Variants in GABRA4 observed in about 807,000 individuals in gnomAD.
GABRA4 encodes the protein gamma-aminobutyric acid receptor subunit alpha-4.
In GABRA4, 12 loss-of-function variants were observed where a neutral mutation model predicts 49.7. The observed-to-expected ratio is 0.24, with a 90% CI of 0.15 to 0.39. The LOEUF (loss-of-function observed/expected upper bound fraction) is 0.39. GABRA4 is among the 10% of genes least tolerant of loss of function. The probability of loss-of-function intolerance (pLI) is 1.00; values close to 1 mark genes in which losing one functional copy is unlikely to be tolerated. For missense variants in GABRA4, 506 were observed against 686.0 expected (o/e 0.74, Z 2.93); for synonymous variants, 288 against 240.2 (o/e 1.20, Z -1.84).
At chr4:46,974,501 T>C (rs1270230935) in intron 5 of GABRA4, 126 bp from the exon 6 acceptor site, 5 of 914,744 alleles carry the variant, frequency 5.5e-6, no homozygotes, top group Non-Finnish European at 7.7e-6. Flanking sequence ...CACTATAATT[T>C]AGTCACTATA....
Position 46,919,914 on chromosome 4 carries a change from G to T in GABRA4, c.*8311C>A, listed in dbSNP as rs1218490206. 6.6e-6 allele frequency: 1 copy of T among 151,540 alleles called. No homozygotes were observed. The highest frequency in any genetic ancestry group is 1.9e-4 in the East Asian group (1 of 5,172). 9.4% of individuals were successfully genotyped at this position (151,540 alleles called of 1,614,324 possible). ...ACCGGATTCTCATTCAATTTACAAT[G>T]AAGCTCCCTCAAAATCATATAACCT... On this transcript the variant is annotated 3_prime_UTR_variant, in exon 9 of 9. Transcript: ENST00000264318.
chr4:46,964,877 T>C (rs1722697453), intron 8 of GABRA4, 93 bp downstream of exon 8: 4 of 1,313,682 alleles, frequency 3.0e-6, no homozygotes, highest in Non-Finnish European at 4.2e-6. Flanking sequence ...CAAGTTGATA[T>C]CAGGATTTTT....
intron 2 of GABRA4, 78 bp downstream of exon 2, chr4:46,992,750 T>C: frequency 9.8e-7 from 1 of 1,020,676 alleles, no homozygotes; most frequent in South Asian, 1.3e-5. Flanking sequence ...TACCTAATGA[T>C]ATTCCCACAG....
At position 46,936,635 on chromosome 4, in the gene GABRA4, G is replaced by A. The variant is rs561540470; in HGVS notation, c.1135-7880C>T. Among the ~76,000 whole-genome samples, 3 of 152,266 alleles carry A rather than the reference G, an allele frequency of 2.0e-5. No individual in the cohort carries two copies. In the South Asian group the frequency reaches 6.2e-4, roughly 32 times the overall value. ...AGGGAAACAGCACAGATTGGAGAAA[G>A]CATTGCAATCCCAACCTACAAGAAT... On this transcript the variant is annotated intron_variant, in intron 8 of 8. Coordinates refer to ENST00000264318, the MANE Select transcript of GABRA4 (RefSeq NM_000809.4).
In GABRA4 at chr4:46,921,464, C is replaced by G. The variant is rs1435078409; in HGVS notation, c.*6761G>C. ...ACTAAAGAAGCTTGCAGAAATACTA[C>G]CAAGGAAAATGTAAAAAGAATTTAT... On this transcript the variant is annotated 3_prime_UTR_variant, in exon 9 of 9. Transcript: ENST00000264318. The G allele has an allele frequency of 1.3e-5, 2 of 151,934 alleles. No homozygotes were observed. Among genetic ancestry groups the G allele is most frequent in the Admixed American group, 1.3e-4 (2 of 15,232 alleles). 9.4% of individuals were successfully genotyped at this position (151,934 alleles called of 1,614,324 possible). A position where few individuals can be genotyped will look rare whatever the true frequency, so the allele number is the denominator to read the frequency against.
rs74954670 is a variant in GABRA4 at position 46,963,697 on chromosome 4, G to A, written c.1134+1273C>T. Among the ~76,000 whole-genome samples the A allele has an allele frequency of 1.6e-3, 244 of 151,860 alleles. 2 individuals carry two copies. The highest frequency in any genetic ancestry group is 5.4e-3 in the African/African-American group (222 of 41,484). ...ACATGGAAATTGTAAACAGATATAG[G>A]TAAAGGTGCTCAACATCACTGATCA... On this transcript the variant is annotated intron_variant, in intron 8 of 8. Transcript: ENST00000264318.
chr4:46,943,237 G>C (rs1721876818), intron 8 of GABRA4, among the ~76,000 whole-genome samples: 1 of 152,060 alleles, frequency 6.6e-6, no homozygotes, highest in African/African-American at 2.4e-5. Context: ...TTAGATCTCA[G>C]AGATTAGCAC....
intron 7 of GABRA4, among the ~76,000 whole-genome samples, chr4:46,968,098 T>C (rs1577779111): frequency 6.6e-6 from 1 of 151,536 alleles, no homozygotes; most frequent in Non-Finnish European, 1.5e-5. Context: ...TATCTTCTTA[T>C]GAGTGGAAAG....
chr4:46,940,878 C>A (rs2109347420), intron 8 of GABRA4, among the ~76,000 whole-genome samples: 1 of 152,270 alleles, frequency 6.6e-6, no homozygotes, highest in Non-Finnish European at 1.5e-5. Context: ...ACAAGGCTCT[C>A]AAGCTGAAAC....
intron 2 of GABRA4, among the ~76,000 whole-genome samples, chr4:46,986,712 T>C (rs188504054): frequency 3.3e-5 from 5 of 152,118 alleles, no homozygotes; most frequent in African/African-American, 1.2e-4. Context: ...TGATATGCAA[T>C]AGACATCCCA....
Position 46,925,369 on chromosome 4 carries a change from C to A in GABRA4, c.*2856G>T, listed in dbSNP as rs554489490. Reference sequence around the variant, plus strand: ...TTAATCATGTAAATATATGTTTATACCTAGTCATGCCTGGAGGAAATTGAA... The same window carrying A: ...TTAATCATGTAAATATATGTTTATAACTAGTCATGCCTGGAGGAAATTGAA... On this transcript the variant is annotated 3_prime_UTR_variant, in exon 9 of 9. Transcript: ENST00000264318. 4 of 151,992 alleles carry A rather than the reference C, an allele frequency of 2.6e-5. No individual in the cohort carries two copies. The highest frequency in any genetic ancestry group is 5.9e-5 in the Non-Finnish European group (4 of 67,872). The allele number at this position is 151,992 out of a possible 1,614,324, so 9.4% of individuals were successfully genotyped here. A position where few individuals can be genotyped will look rare whatever the true frequency, so the allele number is the denominator to read the frequency against.
chr4:46,960,927 T>G (rs1722550453), intron 8 of GABRA4, among the ~76,000 whole-genome samples: 1 of 151,736 alleles, frequency 6.6e-6, no homozygotes, highest in South Asian at 2.1e-4. Context: ...AAGACTCAAG[T>G]TTTTGAAAGT....
At chr4:46,965,922 C>T (rs1275573470) in intron 7 of GABRA4, among the ~76,000 whole-genome samples, 1 of 150,988 alleles carries the variant, frequency 6.6e-6, no homozygotes, top group African/African-American at 2.4e-5. Flanking sequence ...AATATTGGAC[C>T]TTTACCACCC....
In GABRA4 at chr4:46,934,857, C is replaced by T. The variant is rs1038092395; in HGVS notation, c.1135-6102G>A. Among the ~76,000 whole-genome samples, 8 of 152,270 alleles carry T rather than the reference C, an allele frequency of 5.3e-5. 2 individuals carry two copies. Among genetic ancestry groups the T allele is most frequent in the Admixed American group, 1.3e-4 (2 of 15,282 alleles). ...TTGTTAGAGACTTCTTTGGTCAGAG[C>T]AGAGGTTCTTAGCTTGATTAAGCAA... On this transcript the variant is annotated intron_variant, in intron 8 of 8. Transcript: ENST00000264318.
intron 8 of GABRA4, among the ~76,000 whole-genome samples, chr4:46,930,956 AG>A (rs949121072): frequency 1.3e-5 from 2 of 151,928 alleles, no homozygotes; most frequent in African/African-American, 4.8e-5. Context: ...AGGAAAAAAC[AG>A]AAAAAAACTG....
intron 8 of GABRA4, among the ~76,000 whole-genome samples, chr4:46,963,292 T>A (rs1722643999): frequency 6.6e-6 from 1 of 151,816 alleles, no homozygotes; most frequent in Admixed American, 6.6e-5. Flanking sequence ...AAAATTTGAA[T>A]AGATAATAAG....
chr4:46,958,115 T>C lies in GABRA4; in HGVS notation c.1134+6855A>G, dbSNP rs184432967. Among the ~76,000 whole-genome samples, 32 of 152,086 alleles carry C rather than the reference T, an allele frequency of 2.1e-4. 1 individual carries two copies. The highest frequency in any genetic ancestry group is 2.0e-3 in the Admixed American group (30 of 15,220). On this transcript the variant is annotated intron_variant, in intron 8 of 8. Transcript: ENST00000264318. ...TATTAAATATTAAATGCCATAGAATTGTGTTTAAGAAAAAGAGCTCTGCAT... is the reference window on the plus strand; with the variant it reads ...TATTAAATATTAAATGCCATAGAATCGTGTTTAAGAAAAAGAGCTCTGCAT...
chr4:46,965,326 T>C (rs1722717153), intron 7 of GABRA4, 97 bp from the exon 8 acceptor site: 6 of 1,035,298 alleles, frequency 5.8e-6, no homozygotes, highest in Non-Finnish European at 8.0e-6. Flanking sequence ...TCATGTGGAA[T>C]AGGGTTAACA....
intron 6 of GABRA4, among the ~76,000 whole-genome samples, chr4:46,971,652 C>T (rs1254698094): frequency 1.3e-5 from 2 of 151,078 alleles, no homozygotes; most frequent in African/African-American, 2.4e-5. Context: ...CTGACACATA[C>T]ACACACATTT....
Sources: allele counts gnomAD v4.1 joint callset (sites outside exome capture counted in the v4.1 genomes callset), GRCh38; gene constraint gnomAD v4.1.1; transcripts MANE v1.5; gene names NCBI Gene and HGNC (gene_info 2026-07-23, HGNC 2026-07-21).